The following LARS2 variants were observed in gnomAD, a reference collection of about 807,000 sequenced individuals.
The protein encoded by LARS2 is leucyl-tRNA synthetase 2, mitochondrial.
In LARS2, 81 loss-of-function variants were observed where a neutral mutation model predicts 116.6. The ratio of observed to expected loss-of-function variants is 0.69; its 90% confidence interval spans 0.58 to 0.84. LARS2 has a LOEUF of 0.84. LARS2 is among the 40% of genes least tolerant of loss of function. The pLI is 0.00. For synonymous variants in LARS2, 396 were observed against 407.2 expected (o/e 0.97, Z 0.33); for missense variants, 968 against 1,114.5 (o/e 0.87, Z 1.87).
At chr3:45,540,051 A>G (rs1001880111) in intron 20 of LARS2, among the ~76,000 whole-genome samples, 2 of 152,162 alleles carry the variant, frequency 1.3e-5, no homozygotes, top group African/African-American at 4.8e-5. Context: ...TGAGATCAGG[A>G]GTTCGAGACC....
At chr3:45,401,134 G>A (rs542851186) in intron 4 of LARS2, among the ~76,000 whole-genome samples, 12 of 152,188 alleles carry the variant, frequency 7.9e-5, no homozygotes, top group African/African-American at 2.9e-4. Flanking sequence ...TTTTCTAATG[G>A]AAAAAAATAA....
At chr3:45,430,834 C>T (rs1452230421) in intron 6 of LARS2, among the ~76,000 whole-genome samples, 1 of 152,024 alleles carries the variant, frequency 6.6e-6, no homozygotes, top group Non-Finnish European at 1.5e-5. Context: ...ATCCGCCCAT[C>T]TCGGCCTCCC....
chr3:45,531,865 C>G (rs1345209051), intron 20 of LARS2, among the ~76,000 whole-genome samples: 2 of 152,158 alleles, frequency 1.3e-5, no homozygotes, highest in African/African-American at 4.8e-5. Context: ...TAGCAATTTT[C>G]TACTAAATAA....
intron 15 of LARS2, 134 bp downstream of exon 15, chr3:45,500,713 A>C: frequency 1.6e-6 from 1 of 643,098 alleles, no homozygotes. Context: ...GAGGTTGTCA[A>C]CCTTAATCAT....
chr3:45,508,278 G>T (rs1559491976), intron 15 of LARS2, among the ~76,000 whole-genome samples: 2 of 152,084 alleles, frequency 1.3e-5, no homozygotes, highest in Non-Finnish European at 2.9e-5. Context: ...CCTATCCACA[G>T]AGCTTTCTTC....
chr3:45,528,900 C>G (rs1420507911), intron 20 of LARS2, among the ~76,000 whole-genome samples: 1 of 149,886 alleles, frequency 6.7e-6, no homozygotes, highest in Non-Finnish European at 1.5e-5. Context: ...GATGGAGTCT[C>G]ACTCTGTTGC....
In LARS2 at chr3:45,400,290, T is replaced by C. The variant is rs1024210684; in HGVS notation, c.280T>C (p.Ser94Pro). The C allele has an allele frequency of 1.9e-6, 3 of 1,613,846 alleles. No individual in the cohort carries two copies. The highest frequency in any genetic ancestry group is 1.7e-6 in the Non-Finnish European group (2 of 1,179,900). The change falls in exon 4 of 22, where the codon TCT becomes CCT. Residue 94 changes from serine (S) to proline (P), a missense_variant. Ser to Pro is a moderately conservative substitution (Grantham distance 74). Transcript: ENST00000645846. Reference sequence around the variant, plus strand: ...CGTGCTTTCCATGTTCCCTTATCCTTCTGGTAAGCTGCACATGGGCCATGT... The same window carrying C: ...CGTGCTTTCCATGTTCCCTTATCCTCCTGGTAAGCTGCACATGGGCCATGT... Reference protein sequence around the residue: ...FYVLSMFPYPSGKLHMGHVRV... With the variant: ...FYVLSMFPYPPGKLHMGHVRV...
At chr3:45,484,603 CAAAAAAAAAAA>C (rs1156814528) in intron 10 of LARS2, among the ~76,000 whole-genome samples, 7 of 14,716 alleles carry the variant, frequency 4.8e-4, no homozygotes, top group African/African-American at 7.4e-4. Context: ...CCTGTCTCTA[CAAAAAAAAAAA>C]AAAAAAAAAA....
At chr3:45,464,224 G>C (rs1161791550) in intron 8 of LARS2, among the ~76,000 whole-genome samples, 1 of 152,160 alleles carries the variant, frequency 6.6e-6, no homozygotes, top group Non-Finnish European at 1.5e-5. Context: ...GGAGGTGAGG[G>C]GAGAGAAGGG....
At chr3:45,446,099 A>G (rs1699013341) in intron 6 of LARS2, among the ~76,000 whole-genome samples, 1 of 152,184 alleles carries the variant, frequency 6.6e-6, no homozygotes, top group Admixed American at 6.5e-5. Flanking sequence ...GTCTGTTACA[A>G]ACGGAGTCAT....
rs573091978 is a variant in LARS2, at chr3:45,452,752, G to A, written c.606+5772G>A. Among the ~76,000 whole-genome samples, 4 of 152,176 alleles carry A rather than the reference G, an allele frequency of 2.6e-5. No homozygotes were observed. The South Asian group carries it at 8.3e-4, about 32-fold the overall frequency. On this transcript the variant is annotated intron_variant, in intron 7 of 21. Coordinates refer to ENST00000645846, the MANE Select transcript of LARS2 (RefSeq NM_015340.4). ...TTCTAGAAGAGTTTGAGAAGAATGGGTATTAGTTTTCTTTAAATGGTAGAA... is the reference window on the plus strand; with the variant it reads ...TTCTAGAAGAGTTTGAGAAGAATGGATATTAGTTTTCTTTAAATGGTAGAA...
At chr3:45,485,588 A>T in intron 10 of LARS2, 104 bp from the exon 11 acceptor site, 1 of 617,988 alleles carries the variant, frequency 1.6e-6, no homozygotes, top group Non-Finnish European at 2.9e-6. Flanking sequence ...AGCAGAAAGC[A>T]CAGAAGTTCT....
intron 6 of LARS2, among the ~76,000 whole-genome samples, chr3:45,420,142 A>G (rs1218888468): frequency 1.3e-5 from 2 of 152,254 alleles, no homozygotes; most frequent in African/African-American, 4.8e-5. Flanking sequence ...GAGGCTCATA[A>G]CAGCCCATAA....
intron 4 of LARS2, among the ~76,000 whole-genome samples, chr3:45,415,847 C>CAAAAAA (rs386396517): frequency 4.8e-4 from 43 of 90,468 alleles, no homozygotes; most frequent in African/African-American, 1.8e-3. Flanking sequence ...GACTCCATCT[C>CAAAAAA]AAAAAAAAAA....
Position 45,491,677 on chromosome 3 carries a change from G to A in LARS2, c.1400G>A (p.Cys467Tyr), listed in dbSNP as rs1699918317. ...ATCCCCATTGTCCACTGCCCAGTCT[G>A]TGGCCCCACACCTGTGCCCCTGGAG... The part of the protein sequence containing the change: ...TPIPIVHCPV[C>Y]GPTPVPLEDL... The change falls in exon 13 of 22, where the codon TGT becomes TAT. Residue 467 changes from cysteine (C) to tyrosine (Y), a missense_variant. Physicochemically the swap from Cys to Tyr is radical, Grantham distance 194. Transcript: ENST00000645846. 6.2e-7 allele frequency: 1 copy of A among 1,614,110 alleles called. No individual in the cohort carries two copies. The highest frequency in any genetic ancestry group is 1.3e-5 in the African/African-American group (1 of 74,938).
chr3:45,418,550 A>G (rs1329063552), intron 5 of LARS2, among the ~76,000 whole-genome samples: 1 of 152,254 alleles, frequency 6.6e-6, no homozygotes, highest in African/African-American at 2.4e-5. Flanking sequence ...TTGGCAAACT[A>G]CGGCCTGTGG....
chr3:45,485,028 C>T (rs1699782464), intron 10 of LARS2, among the ~76,000 whole-genome samples: 1 of 152,084 alleles, frequency 6.6e-6, no homozygotes, highest in Non-Finnish European at 1.5e-5. Flanking sequence ...CAGATCTGAC[C>T]TGGTCATTCT....
intron 18 of LARS2, among the ~76,000 whole-genome samples, chr3:45,519,492 A>G (rs1380973264): frequency 7.1e-6 from 1 of 141,650 alleles, no homozygotes; most frequent in African/African-American, 2.8e-5. Context: ...CTCCGTCTCA[A>G]AAAAAAAAAA....
intron 6 of LARS2, among the ~76,000 whole-genome samples, chr3:45,423,057 T>C (rs544797095): frequency 1.5e-4 from 23 of 152,360 alleles, no homozygotes; most frequent in Non-Finnish European, 3.1e-4. Flanking sequence ...TGGATTCTGT[T>C]TTCTTTTATC....
Sources: allele counts gnomAD v4.1 joint callset (sites outside exome capture counted in the v4.1 genomes callset), GRCh38; gene constraint gnomAD v4.1.1; transcripts MANE v1.5; gene names NCBI Gene and HGNC (gene_info 2026-07-23, HGNC 2026-07-21).